The following TRIO variants were observed in gnomAD, a reference collection of about 807,000 sequenced individuals.
TRIO encodes trio Rho guanine nucleotide exchange factor, also known as triple functional domain protein.
A neutral mutation model predicts 351.9 loss-of-function variants in TRIO; 58 were observed. That is an observed-to-expected ratio of 0.16 (90% CI 0.13 to 0.21). The LOEUF (loss-of-function observed/expected upper bound fraction) is 0.21. TRIO is among the 10% of genes least tolerant of loss of function. TRIO has a pLI of 1.00. For missense variants in TRIO, 3,201 were observed against 4,027.8 expected (o/e 0.79, Z 5.56); for synonymous variants, 1,758 against 1,595.7 (o/e 1.10, Z -2.42).
At chr5:14,454,218 C>G (rs1407156978) in intron 34 of TRIO, among the ~76,000 whole-genome samples, 4 of 152,128 alleles carry the variant, frequency 2.6e-5, no homozygotes, top group African/African-American at 4.8e-5. Context: ...CGTGAGCCAC[C>G]GTGCCCTGCC....
intron 4 of TRIO, 22 bp downstream of exon 4, chr5:14,287,085 G>A (rs747502801): frequency 1.2e-6 from 2 of 1,609,798 alleles, no homozygotes; most frequent in African/African-American, 2.7e-5. Flanking sequence ...CGTGTGGCTA[G>A]ACCCACTAAA....
intron 1 of TRIO, among the ~76,000 whole-genome samples, chr5:14,197,409 A>G (rs188244793): frequency 7.2e-5 from 11 of 152,272 alleles, no homozygotes; most frequent in Admixed American, 3.3e-4. Flanking sequence ...TGTCCAGGCT[A>G]TCTTGTGGAG....
chr5:14,359,845 C>T (rs1743979429), intron 13 of TRIO, among the ~76,000 whole-genome samples: 1 of 152,232 alleles, frequency 6.6e-6, no homozygotes, highest in Non-Finnish European at 1.5e-5. Flanking sequence ...TTCTCTCGGC[C>T]TTGGGGTGTT....
At chr5:14,288,614 C>T (rs1294244321) in intron 4 of TRIO, among the ~76,000 whole-genome samples, 2 of 151,892 alleles carry the variant, frequency 1.3e-5, no homozygotes, top group Non-Finnish European at 2.9e-5. Flanking sequence ...TTGCAGTGAG[C>T]CGAGATTGTG....
intron 34 of TRIO, among the ~76,000 whole-genome samples, chr5:14,443,660 G>T (rs1339026053): frequency 6.6e-6 from 1 of 152,214 alleles, no homozygotes; most frequent in Non-Finnish European, 1.5e-5. Flanking sequence ...GTTCATTGGG[G>T]CATCCCCCTG....
At chr5:14,302,897 C>T (rs1303483219) in intron 7 of TRIO, among the ~76,000 whole-genome samples, 6 of 152,268 alleles carry the variant, frequency 3.9e-5, no homozygotes, top group African/African-American at 1.4e-4. Context: ...GGGCCTTCCG[C>T]ACTTGCCTTT....
In TRIO at chr5:14,363,417, C is replaced by T. The variant is rs142281319; in HGVS notation, c.2392-315C>T. Among the ~76,000 whole-genome samples the T allele has an allele frequency of 9.2e-5, 14 of 152,240 alleles. No individual in the cohort carries two copies. The East Asian group carries it at 9.6e-4, about 10-fold the overall frequency. ...GAATATTACTGGATTTTTGTATATACGGTATATTTTACACAGTTTTGGTAA... is the reference window on the plus strand; with the variant it reads ...GAATATTACTGGATTTTTGTATATATGGTATATTTTACACAGTTTTGGTAA... On this transcript the variant is annotated intron_variant, in intron 13 of 56. Transcript: ENST00000344204.
At chr5:14,374,778 A>G (rs1334373564) in intron 19 of TRIO, among the ~76,000 whole-genome samples, 1 of 152,228 alleles carries the variant, frequency 6.6e-6, no homozygotes, top group Admixed American at 6.5e-5. Context: ...CATAGTTAAT[A>G]AAAACAAATT....
rs771432335 is a variant in TRIO, at chr5:14,297,181, A to G, written c.1286A>G (p.Glu429Gly). The G allele has an allele frequency of 9.3e-6, 15 of 1,614,090 alleles. No individual in the cohort carries two copies. The highest frequency in any genetic ancestry group is 1.3e-5 in the African/African-American group (1 of 74,936). The stretch of plus-strand genomic sequence containing the variant: ...CAGATCGCGAGTCAGCTGGAGCAGG[A>G]GTGGAAGGCGTTTGCGGCAGCCCTG... The part of the protein sequence containing the change: ...IRQIASQLEQ[E>G]WKAFAAALDE... The change falls in exon 7 of 57, where the codon GAG (glutamate) becomes GGG (glycine). Residue 429 changes from glutamate to glycine, a missense_variant. Transcript: ENST00000344204.
intron 1 of TRIO, among the ~76,000 whole-genome samples, chr5:14,199,197 A>G: frequency 7.5e-6 from 1 of 133,760 alleles, no homozygotes; most frequent in South Asian, 2.1e-4. Context: ...GTGGGACTCA[A>G]AAAAAAAAAA....
At chr5:14,167,765 T>C (rs1401193154) in intron 1 of TRIO, among the ~76,000 whole-genome samples, 1 of 152,182 alleles carries the variant, frequency 6.6e-6, no homozygotes, top group Admixed American at 6.5e-5. Context: ...AAGAGGAGCA[T>C]GGTTCTGGGT....
intron 2 of TRIO, among the ~76,000 whole-genome samples, chr5:14,279,394 A>G (rs1465909908): frequency 2.0e-5 from 3 of 152,122 alleles, no homozygotes; most frequent in Admixed American, 6.5e-5. Context: ...CTAATTTTAG[A>G]TGATGATTTT....
intron 1 of TRIO, among the ~76,000 whole-genome samples, chr5:14,233,316 TAAAAAAAA>T (rs35925373): frequency 5.7e-4 from 62 of 109,212 alleles, no homozygotes; most frequent in African/African-American, 2.2e-3. Flanking sequence ...CCTCGTCTCT[TAAAAAAAA>T]AAAAAAAAAA....
intron 1 of TRIO, among the ~76,000 whole-genome samples, chr5:14,267,858 T>C (rs937011165): frequency 7.2e-5 from 11 of 152,248 alleles, no homozygotes; most frequent in African/African-American, 2.7e-4. Flanking sequence ...TGTGGTTAGT[T>C]TTATATTTTT....
intron 8 of TRIO, among the ~76,000 whole-genome samples, chr5:14,311,223 C>G (rs935720511): frequency 6.6e-6 from 1 of 152,234 alleles, no homozygotes; most frequent in Non-Finnish European, 1.5e-5. Flanking sequence ...GGAACTGACT[C>G]ACGCCAACTG....
intron 7 of TRIO, among the ~76,000 whole-genome samples, chr5:14,303,539 G>A (rs1293636652): frequency 6.6e-6 from 1 of 150,998 alleles, no homozygotes; most frequent in East Asian, 2.0e-4. Context: ...GGCTGCCACA[G>A]GACTGTTGAT....
chr5:14,403,291 TGTG>T lies in TRIO; in HGVS notation c.4716+2234_4716+2236del, dbSNP rs1179981831. ...TGCAGGTTGTGGTGAGGGTGTAGGT[TGTG>T]GTGGTGAGGGTGTAGGTTGTGGTGG... On this transcript the variant is annotated intron_variant, in intron 31 of 56. Transcript: ENST00000344204. 1.2e-3 allele frequency among the ~76,000 whole-genome samples: 68 copies of T among 58,600 alleles called. 2 individuals are homozygous for T. Among genetic ancestry groups the T allele is most frequent in the East Asian group, 1.8e-3 (3 of 1,634 alleles). The allele number at this position is 58,600 out of a possible 152,430, so 38.4% of individuals were successfully genotyped here.
At chr5:14,435,007 C>T (rs1045268035) in intron 34 of TRIO, among the ~76,000 whole-genome samples, 16 of 152,252 alleles carry the variant, frequency 1.1e-4, no homozygotes, top group Non-Finnish European at 2.2e-4. Flanking sequence ...TTGTGCCCTT[C>T]TCCGTGCATC....
chr5:14,460,814 T>G (rs1274578645), intron 34 of TRIO, among the ~76,000 whole-genome samples: 1 of 152,208 alleles, frequency 6.6e-6, no homozygotes, highest in Non-Finnish European at 1.5e-5. Context: ...AATGATCATC[T>G]CTAGCAGAAC....
Sources: allele counts gnomAD v4.1 joint callset (sites outside exome capture counted in the v4.1 genomes callset), GRCh38; gene constraint gnomAD v4.1.1; transcripts MANE v1.5; gene names NCBI Gene and HGNC (gene_info 2026-07-23, HGNC 2026-07-21).